Variants in XKR9 observed in about 807,000 individuals in gnomAD.
The protein encoded by XKR9 is XK-related protein 9.
In XKR9, 32 loss-of-function variants were observed where a neutral mutation model predicts 32.0. That is an observed-to-expected ratio of 1.00 (90% CI 0.76 to 1.34). XKR9 has a LOEUF of 1.34. XKR9 is among the 40% of genes most tolerant of loss of function. The pLI is 0.00. For missense variants in XKR9, 546 were observed against 429.7 expected (o/e 1.27, Z -2.39); for synonymous variants, 168 against 143.4 (o/e 1.17, Z -1.22).
At chr8:71,040,261 A>G in the XKR9 span, among the ~76,000 whole-genome samples, 2 of 152,172 alleles carry the variant, frequency 1.3e-5, no homozygotes, top group Non-Finnish European at 2.9e-5. Context: ...GGGAGAGAGA[A>G]GAAGGGGAAG....
the XKR9 span, among the ~76,000 whole-genome samples, chr8:70,845,933 A>G: frequency 6.6e-6 from 1 of 152,162 alleles, no homozygotes; most frequent in Non-Finnish European, 1.5e-5. Context: ...ATTTAGACAT[A>G]CAATTATAAG....
downstream of XKR9, among the ~76,000 whole-genome samples, chr8:70,791,095 A>G (rs1223644762): frequency 6.6e-6 from 1 of 152,104 alleles, no homozygotes; most frequent in Non-Finnish European, 1.5e-5. Flanking sequence ...GGGGTGAGAT[A>G]TAAACATTCA....
the XKR9 span, among the ~76,000 whole-genome samples, chr8:70,804,719 C>T: frequency 6.6e-6 from 1 of 152,098 alleles, no homozygotes; most frequent in African/African-American, 2.4e-5. Context: ...AATTGGATAG[C>T]AAATTTTGCT....
chr8:70,723,772 C>T (rs35648908), intron 4 of XKR9, among the ~76,000 whole-genome samples: 5,418 of 152,218 alleles, frequency 0.036, 145 homozygotes, highest in Middle Eastern at 0.078. Flanking sequence ...GATGCGCCTC[C>T]CAGTCAGGAG....
chr8:70,675,302 T>C (rs1190923741), intron 2 of XKR9, among the ~76,000 whole-genome samples: 2 of 152,182 alleles, frequency 1.3e-5, no homozygotes, highest in Non-Finnish European at 2.9e-5. Flanking sequence ...GGTGTGCACC[T>C]GTAGTCCCAG....
chr8:70,677,554 G>A (rs1818925404), intron 2 of XKR9, among the ~76,000 whole-genome samples: 1 of 152,134 alleles, frequency 6.6e-6, no homozygotes. Context: ...ATAATAATGT[G>A]TATTCTATCT....
intron 2 of XKR9, among the ~76,000 whole-genome samples, chr8:70,753,048 A>G (rs1351403685): frequency 2.0e-5 from 3 of 152,226 alleles, no homozygotes; most frequent in Admixed American, 6.5e-5. Flanking sequence ...AGAGAGAAGA[A>G]TCAAATAGAC....
At chr8:70,826,262 A>T in the XKR9 span, among the ~76,000 whole-genome samples, 131 of 152,246 alleles carry the variant, frequency 8.6e-4, no homozygotes, top group African/African-American at 2.9e-3. Flanking sequence ...AAAAATCAGG[A>T]GATGAAATTT....
intron 2 of XKR9, among the ~76,000 whole-genome samples, chr8:70,777,802 GT>G (rs541714804): frequency 2.0e-5 from 3 of 150,402 alleles, no homozygotes; most frequent in Admixed American, 6.6e-5. Flanking sequence ...TTTTGATGAG[GT>G]TTTTTTTTCT....
At chr8:70,975,403 T>A in the XKR9 span, among the ~76,000 whole-genome samples, 48,453 of 152,144 alleles carry the variant, frequency 0.32, 9,047 homozygotes, top group Non-Finnish European at 0.43. Context: ...TAATCCATCT[T>A]GAATTGTCTT....
chr8:70,846,614 T>A, the XKR9 span, among the ~76,000 whole-genome samples: 1 of 151,918 alleles, frequency 6.6e-6, no homozygotes, highest in Non-Finnish European at 1.5e-5. Flanking sequence ...ACCCATGACC[T>A]GACTATATGA....
At chr8:70,866,602 T>G in the XKR9 span, among the ~76,000 whole-genome samples, 3 of 145,222 alleles carry the variant, frequency 2.1e-5, no homozygotes, top group Non-Finnish European at 4.6e-5. Context: ...ACTAATGGAA[T>G]TTTTTTTTTT....
At chr8:70,729,263 A>G (rs1017420349) in intron 4 of XKR9, among the ~76,000 whole-genome samples, 17 of 152,212 alleles carry the variant, frequency 1.1e-4, no homozygotes, top group African/African-American at 4.1e-4. Flanking sequence ...AGAGACAAAT[A>G]TGCTCCAAAT....
At chr8:71,031,550 G>A in the XKR9 span, among the ~76,000 whole-genome samples, 1 of 152,148 alleles carries the variant, frequency 6.6e-6, no homozygotes, top group East Asian at 1.9e-4. Flanking sequence ...AGAACTAAAT[G>A]AGGCAATGCA....
rs748344269 is a variant in XKR9 at position 70,734,232 on chromosome 8, C to A, written c.930C>A (p.Leu310=). The A allele has an allele frequency of 2.0e-5, 32 of 1,612,974 alleles. No individual in the cohort carries two copies. The highest frequency in any genetic ancestry group is 1.5e-4 in the Admixed American group (9 of 59,874). ...GILTVFWVCP[L]TIFNPDYFIP... Reference sequence around the variant, plus strand: ...TGACTGTATTCTGGGTTTGCCCCCTCACTATTTTTAATCCAGACTATTTTA... The same window carrying A: ...TGACTGTATTCTGGGTTTGCCCCCTAACTATTTTTAATCCAGACTATTTTA... Residue 310 remains leucine, a synonymous_variant, in exon 5 of 5, where the codon CTC becomes CTA. Coordinates refer to ENST00000408926, the MANE Select transcript of XKR9 (RefSeq NM_001011720.2).
At chr8:70,796,847 A>G in the XKR9 span, among the ~76,000 whole-genome samples, 2 of 152,170 alleles carry the variant, frequency 1.3e-5, no homozygotes, top group African/African-American at 4.8e-5. Flanking sequence ...TTCCTTCTCA[A>G]CCCTAACATA....
chr8:71,022,278 T>G, the XKR9 span, among the ~76,000 whole-genome samples: 1 of 152,200 alleles, frequency 6.6e-6, no homozygotes, highest in Admixed American at 6.5e-5. Flanking sequence ...CTTTCTGGTA[T>G]AGGACTCTCT....
chr8:70,891,455 T>C, the XKR9 span, among the ~76,000 whole-genome samples: 1 of 152,178 alleles, frequency 6.6e-6, no homozygotes, highest in Non-Finnish European at 1.5e-5. Context: ...AATACTGCCT[T>C]TGCTGTACCA....
At chr8:70,956,241 T>A in the XKR9 span, among the ~76,000 whole-genome samples, 1 of 152,144 alleles carries the variant, frequency 6.6e-6, no homozygotes, top group Non-Finnish European at 1.5e-5. Flanking sequence ...AGAGTAGCTT[T>A]ATTGAGCAAC....
Sources: gnomAD v4.1 joint callset for allele counts (sites outside exome capture counted in the v4.1 genomes callset) on GRCh38, gnomAD v4.1.1 for gene constraint, MANE v1.5 for transcripts, NCBI Gene and HGNC (gene_info 2026-07-23, HGNC 2026-07-21) for gene names.